The following APP variants were observed in gnomAD, a reference collection of about 807,000 sequenced individuals.
The protein encoded by APP is amyloid-beta precursor protein.
APP carries 31 observed loss-of-function variants against 101.4 expected under a neutral mutation model. That is an observed-to-expected ratio of 0.31 (90% CI 0.23 to 0.41). The LOEUF is 0.41. APP is among the 10% of genes least tolerant of loss of function. The pLI is 1.00. For synonymous variants in APP, 366 were observed against 364.4 expected (o/e 1.00, Z -0.05); for missense variants, 839 against 1,003.7 (o/e 0.84, Z 2.22).
At chr21:26,054,233 G>A (rs541153536) in intron 3 of APP, among the ~76,000 whole-genome samples, 2 of 150,544 alleles carry the variant, frequency 1.3e-5, no homozygotes, top group African/African-American at 2.4e-5. Context: ...AACAATATTC[G>A]AGATGAATCT....
chr21:26,031,937 C>A (rs1247868925), intron 5 of APP, among the ~76,000 whole-genome samples: 1 of 152,176 alleles, frequency 6.6e-6, no homozygotes, highest in African/African-American at 2.4e-5. Flanking sequence ...GCAGAATATG[C>A]CAGGTATCTG....
intron 1 of APP, among the ~76,000 whole-genome samples, chr21:26,148,496 C>CT (rs1179240565): frequency 1.3e-5 from 2 of 152,202 alleles, no homozygotes; most frequent in Non-Finnish European, 2.9e-5. Context: ...ATTTCAAACT[C>CT]TAACAACTTG....
chr21:25,960,704 G>A (rs908323258), intron 11 of APP, among the ~76,000 whole-genome samples: 1 of 152,128 alleles, frequency 6.6e-6, no homozygotes, highest in African/African-American at 2.4e-5. Context: ...GTTTATGTAA[G>A]CTGAGATGCG....
chr21:25,891,636 A>G (rs1174267930), intron 17 of APP, 86 bp downstream of exon 17: 2 of 1,305,820 alleles, frequency 1.5e-6, no homozygotes, highest in Admixed American at 1.7e-5. Flanking sequence ...TAAAAGAGAT[A>G]CTTAGCTAGT....
chr21:25,997,211 T>C, intron 8 of APP, 149 bp downstream of exon 8: 1 of 757,524 alleles, frequency 1.3e-6, no homozygotes. Context: ...CAGATGTAAT[T>C]ACAAGCAAGG....
chr21:25,983,482 T>A (rs545607920), intron 8 of APP, among the ~76,000 whole-genome samples: 3 of 152,208 alleles, frequency 2.0e-5, no homozygotes, highest in African/African-American at 7.2e-5. Flanking sequence ...AGGACTTCAA[T>A]GAGAAGAATT....
chr21:26,130,158 C>T (rs949795019), intron 1 of APP, among the ~76,000 whole-genome samples: 8 of 152,216 alleles, frequency 5.3e-5, no homozygotes, highest in African/African-American at 1.9e-4. Flanking sequence ...TGGTCATTCA[C>T]ACGAAGGTTA....
chr21:26,020,720 G>C (rs45506402), intron 6 of APP, among the ~76,000 whole-genome samples: 270 of 152,278 alleles, frequency 1.8e-3, no homozygotes, highest in Middle Eastern at 6.8e-3. Context: ...GCAGATGGCA[G>C]ATATGAAATG....
At chr21:26,032,285 CT>C (rs35906098) in intron 5 of APP, among the ~76,000 whole-genome samples, 2,913 of 152,182 alleles carry the variant, frequency 0.019, 82 homozygotes, top group African/African-American at 0.067. Flanking sequence ...ATAGACACCC[CT>C]AGCACAATGC....
chr21:26,107,120 C>T (rs978829955), intron 2 of APP, among the ~76,000 whole-genome samples: 7 of 152,152 alleles, frequency 4.6e-5, no homozygotes, highest in East Asian at 1.9e-4. Flanking sequence ...AGCTATTTTA[C>T]GACTTACACC....
chr21:26,104,902 G>A (rs758315725), intron 2 of APP, among the ~76,000 whole-genome samples: 6 of 152,044 alleles, frequency 3.9e-5, no homozygotes, highest in African/African-American at 9.7e-5. Flanking sequence ...ACTGTTAACA[G>A]CCACCTCAGA....
chr21:25,905,179 T>A, intron 14 of APP, 102 bp from the exon 15 acceptor site: 2 of 972,814 alleles, frequency 2.1e-6, no homozygotes, highest in Non-Finnish European at 3.2e-6. Flanking sequence ...GCATATGCAA[T>A]AAACAAGTTA....
At chr21:26,099,299 C>T (rs1232225031) in intron 2 of APP, among the ~76,000 whole-genome samples, 2 of 152,122 alleles carry the variant, frequency 1.3e-5, no homozygotes, top group Non-Finnish European at 1.5e-5. Context: ...TGTATATTTT[C>T]ATCGTCTCAA....
At chr21:25,962,618 C>T (rs182498817) in intron 11 of APP, among the ~76,000 whole-genome samples, 5 of 152,268 alleles carry the variant, frequency 3.3e-5, no homozygotes, top group Non-Finnish European at 5.9e-5. Flanking sequence ...TGCTTGGGTA[C>T]TTTAGAAAGT....
intron 5 of APP, among the ~76,000 whole-genome samples, chr21:26,027,200 C>T (rs2044617280): frequency 6.6e-6 from 1 of 152,128 alleles, no homozygotes; most frequent in Admixed American, 6.5e-5. Flanking sequence ...AATGTCAGTT[C>T]CTGAAATGCA....
At chr21:26,016,590 G>C (rs2044073037) in intron 6 of APP, among the ~76,000 whole-genome samples, 2 of 151,686 alleles carry the variant, frequency 1.3e-5, no homozygotes, top group Non-Finnish European at 2.9e-5. Context: ...TTCTTTTTTT[G>C]AGACGAAGTT....
chr21:26,113,457 G>A (rs958118541), intron 1 of APP, among the ~76,000 whole-genome samples: 1 of 152,164 alleles, frequency 6.6e-6, no homozygotes, highest in African/African-American at 2.4e-5. Context: ...AGAGGACTTA[G>A]GTCCTTACAA....
intron 15 of APP, among the ~76,000 whole-genome samples, chr21:25,902,444 T>A (rs1388372422): frequency 2.1e-5 from 3 of 146,236 alleles, no homozygotes; most frequent in Admixed American, 7.4e-5. Flanking sequence ...TTAATACATG[T>A]GCAGTAAATA....
rs146320704 is a variant in APP, at chr21:26,153,236, C to T, written c.57+17328G>A. ...AAGTGCACTAAAATCTCAGAATTCA[C>T]CACTACGTAATTCAACTAAGTAACA... On this transcript the variant is annotated intron_variant, in intron 1 of 17. Coordinates refer to ENST00000346798, the MANE Select transcript of APP (RefSeq NM_000484.4). Among the ~76,000 whole-genome samples the T allele has an allele frequency of 1.6e-3, 244 of 152,274 alleles. 2 individuals are homozygous for T. The highest frequency in any genetic ancestry group is 3.5e-3 in the Admixed American group (54 of 15,290).
Sources: allele counts gnomAD v4.1 joint callset (sites outside exome capture counted in the v4.1 genomes callset), GRCh38; gene constraint gnomAD v4.1.1; transcripts MANE v1.5; gene names NCBI Gene and HGNC (gene_info 2026-07-23, HGNC 2026-07-21).